The following KCNA2 variants were observed in gnomAD, a reference collection of about 807,000 sequenced individuals.
The protein encoded by KCNA2 is potassium channel, voltage gated shaker related subfamily A, member 2.
In KCNA2, 11 loss-of-function variants were observed where a neutral mutation model predicts 33.4. That is an observed-to-expected ratio of 0.33 (90% CI 0.21 to 0.55). The LOEUF (loss-of-function observed/expected upper bound fraction) is 0.55, where lower values mean the gene tolerates loss of function less well. Among genes scored for constraint, KCNA2 ranks in the 20% least tolerant of loss-of-function variants. KCNA2 has a pLI of 0.93. For synonymous variants in KCNA2, 222 were observed against 231.3 expected, an observed-to-expected ratio of 0.96 and a Z score of 0.37; for missense variants, 291 against 621.6, an observed-to-expected ratio of 0.47 and a Z score of 5.66.
chr1:110,623,908 C>A (rs1650323291), intron 1 of KCNA2, among the ~76,000 whole-genome samples: 1 of 146,512 alleles, frequency 6.8e-6, no homozygotes, highest in Admixed American at 6.7e-5. Context: ...GCATAATGAT[C>A]AGAACAGTGA....
In KCNA2 at chr1:110,593,809, G is replaced by C; in HGVS notation, c.*9474C>G. On this transcript the variant is annotated 3_prime_UTR_variant, in exon 3 of 3. Transcript: ENST00000316361. ...ACAAATATCAGACCCTACTGACACA[G>C]GAACTCTCAGCTGCAGAAGTCCTGG... 7.2e-6 allele frequency: 11 copies of C among 1,519,482 alleles called. No homozygotes were observed. Among genetic ancestry groups the C allele is most frequent in the Non-Finnish European group, 8.9e-6 (10 of 1,123,092 alleles). 94.1% of individuals were successfully genotyped at this position (1,519,482 alleles called of 1,614,324 possible).
chr1:110,607,189 T>C (rs1649683125), upstream of KCNA2: 3 of 152,150 alleles, frequency 2.0e-5, no homozygotes, highest in Non-Finnish European at 4.4e-5. Context: ...GCAGCCCCTC[T>C]GGGCGCCGCA....
chr1:110,601,066 C>T lies in KCNA2; in HGVS notation c.*2217G>A, dbSNP rs1217047405. 1 of 985,356 alleles carries T rather than the reference C, an allele frequency of 1.0e-6. No homozygotes were observed. The highest frequency in any genetic ancestry group is 1.2e-6 in the Non-Finnish European group (1 of 829,956). The allele number at this position is 985,356 out of a possible 1,614,324, so 61.0% of individuals were successfully genotyped here. ...TACCTGAAGCCATTTCAGGGTCAAC[C>T]TACTGTCTACCTTTAGGCTGTGCAG... On this transcript the variant is annotated 3_prime_UTR_variant, in exon 3 of 3. Transcript: ENST00000316361.
chr1:110,600,588 T>G lies in KCNA2; in HGVS notation c.*2695A>C. 1.0e-6 allele frequency: 1 copy of G among 985,424 alleles called. No individual in the cohort carries two copies. Among genetic ancestry groups the G allele is most frequent in the Non-Finnish European group, 1.2e-6 (1 of 829,924 alleles). The allele number at this position is 985,424 out of a possible 1,614,324, so 61.0% of individuals were successfully genotyped here. On this transcript the variant is annotated 3_prime_UTR_variant, in exon 3 of 3. Transcript: ENST00000316361. ...TTGTGTGTGACAACAGTGTACCTAT[T>G]TTGTGGTGAATGTGCATGACTGTAT...
intron 1 of KCNA2, among the ~76,000 whole-genome samples, chr1:110,625,651 T>C (rs1163252492): frequency 2.0e-5 from 3 of 152,090 alleles, no homozygotes. Context: ...GGTAAGACAA[T>C]TCAAAGAAAA....
At chr1:110,629,603 A>G (rs1650492996) in intron 1 of KCNA2, among the ~76,000 whole-genome samples, 1 of 152,156 alleles carries the variant, frequency 6.6e-6, no homozygotes, top group South Asian at 2.1e-4. Context: ...ATTTGTTGCT[A>G]TGTTTTTCTC....
chr1:110,610,254 A>G (rs894505045), upstream of KCNA2, among the ~76,000 whole-genome samples: 1 of 152,226 alleles, frequency 6.6e-6, no homozygotes, highest in Non-Finnish European at 1.5e-5. Flanking sequence ...ATGACTGTGT[A>G]TGCATACACA....
Position 110,605,378 on chromosome 1 carries a change from T to C in KCNA2, c.-164+13A>G, listed in dbSNP as rs1649551748. On this transcript the variant is annotated intron_variant, in intron 2 of 2. Transcript: ENST00000316361. ...TCTACACAAGGCTGTTATTAAATGATAGATTGATTTACCTGACCAGAGACG... is the reference window on the plus strand; with the variant it reads ...TCTACACAAGGCTGTTATTAAATGACAGATTGATTTACCTGACCAGAGACG... 6.5e-6 allele frequency: 1 copy of C among 152,916 alleles called. No homozygotes were observed. Among genetic ancestry groups the C allele is most frequent in the Admixed American group, 6.5e-5 (1 of 15,312 alleles). The allele number at this position is 152,916 out of a possible 1,614,324, so 9.5% of individuals were successfully genotyped here.
Position 110,600,702 on chromosome 1 carries a change from A to G in KCNA2, c.*2581T>C, listed in dbSNP as rs1429476711. 5.1e-6 allele frequency: 5 copies of G among 985,124 alleles called. No homozygotes were observed. In the East Asian group the frequency reaches 4.5e-4, roughly 89 times the overall value. 61.0% of individuals were successfully genotyped at this position (985,124 alleles called of 1,614,324 possible). On this transcript the variant is annotated 3_prime_UTR_variant, in exon 3 of 3. Transcript: ENST00000316361. ...TCAGATATGGGTTGCTTTACCTTCT[A>G]TTTTCCAAAGATCTGTGTCCCTCCC...
intron 1 of KCNA2, among the ~76,000 whole-genome samples, chr1:110,630,272 C>T (rs745338563): frequency 4.6e-5 from 7 of 152,124 alleles, no homozygotes; most frequent in African/African-American, 7.2e-5. Flanking sequence ...CCGCCCACCT[C>T]GGCCTCCCAA....
intron 1 of KCNA2, among the ~76,000 whole-genome samples, chr1:110,616,511 C>A (rs1269482744): frequency 6.6e-6 from 1 of 152,130 alleles, no homozygotes; most frequent in African/African-American, 2.4e-5. Flanking sequence ...AACATGGGAC[C>A]CCAGAGTTAG....
upstream of KCNA2, among the ~76,000 whole-genome samples, chr1:110,610,939 T>A (rs967970939): frequency 6.6e-6 from 1 of 152,128 alleles, no homozygotes; most frequent in Non-Finnish European, 1.5e-5. Context: ...TTGACCTTTC[T>A]GAGTAGCAGT....
At position 110,598,868 on chromosome 1, in the gene KCNA2, G is replaced by C; in HGVS notation, c.*4415C>G. 1 of 985,300 alleles carries C rather than the reference G, an allele frequency of 1.0e-6. No individual in the cohort carries two copies. The highest frequency in any genetic ancestry group is 1.2e-6 in the Non-Finnish European group (1 of 829,906). 61.0% of individuals were successfully genotyped at this position (985,300 alleles called of 1,614,324 possible). Reference sequence around the variant, plus strand: ...TCCTAAAAAGTTTACTCTGAAATTTGACCCACTCAGCCACTCTCTCTTCCT... The same window carrying C: ...TCCTAAAAAGTTTACTCTGAAATTTCACCCACTCAGCCACTCTCTCTTCCT... On this transcript the variant is annotated 3_prime_UTR_variant, in exon 3 of 3. Transcript: ENST00000316361.
chr1:110,596,040 GA>G lies in KCNA2; in HGVS notation c.*7242del. On this transcript the variant is annotated 3_prime_UTR_variant, in exon 3 of 3. Coordinates refer to ENST00000316361, the MANE Select transcript of KCNA2 (RefSeq NM_004974.4). The stretch of plus-strand genomic sequence containing the variant: ...GAAAGGCTAAAGCACCTGGCTGTTA[GA>G]TCAGACTTCCCTTTTATCCCTGAGT... 1.0e-6 allele frequency: 1 copy of G among 985,460 alleles called. No individual in the cohort carries two copies. The highest frequency in any genetic ancestry group is 1.2e-6 in the Non-Finnish European group (1 of 829,942). The allele number at this position is 985,460 out of a possible 1,614,324, so 61.0% of individuals were successfully genotyped here. A position where few individuals can be genotyped will look rare whatever the true frequency, so the allele number is the denominator to read the frequency against.
upstream of KCNA2, among the ~76,000 whole-genome samples, chr1:110,610,939 T>G (rs967970939): frequency 2.0e-5 from 3 of 152,128 alleles, no homozygotes; most frequent in Non-Finnish European, 4.4e-5. Flanking sequence ...TTGACCTTTC[T>G]GAGTAGCAGT....
At position 110,602,744 on chromosome 1, in the gene KCNA2, C is replaced by T; in HGVS notation, c.*539G>A. ...AGCCTCCAGAGCATCTACTTGGCAACTGCAATTCACAAACTCCAGCCTGTG... is the reference window on the plus strand; with the variant it reads ...AGCCTCCAGAGCATCTACTTGGCAATTGCAATTCACAAACTCCAGCCTGTG... On this transcript the variant is annotated 3_prime_UTR_variant, in exon 3 of 3. Coordinates refer to ENST00000316361, the MANE Select transcript of KCNA2 (RefSeq NM_004974.4). 1 of 991,892 alleles carries T rather than the reference C, an allele frequency of 1.0e-6. No homozygotes were observed. Among genetic ancestry groups the T allele is most frequent in the South Asian group, 4.6e-5 (1 of 21,624 alleles). 61.4% of individuals were successfully genotyped at this position (991,892 alleles called of 1,614,324 possible).
intron 1 of KCNA2, among the ~76,000 whole-genome samples, chr1:110,619,971 C>T (rs956459570): frequency 5.3e-5 from 8 of 152,046 alleles, no homozygotes; most frequent in Non-Finnish European, 1.2e-4. Context: ...TCCCTGTTCA[C>T]GTGCCCTGTA....
At position 110,601,777 on chromosome 1, in the gene KCNA2, AAT is replaced by A. The variant is rs149560146; in HGVS notation, c.*1504_*1505del. ...TCCTGAACCTGAACTCCAGAAAATGAATATATATATATATATATGTGTGTGTG... is the reference window on the plus strand; with the variant it reads ...TCCTGAACCTGAACTCCAGAAAATGAATATATATATATATATGTGTGTGTG... On this transcript the variant is annotated 3_prime_UTR_variant, in exon 3 of 3. Transcript: ENST00000316361. 4,968 of 979,066 alleles carry A rather than the reference AAT, an allele frequency of 5.1e-3. 3 individuals carry two copies. Among genetic ancestry groups the A allele is most frequent in the Middle Eastern group, 0.013 (32 of 2,426 alleles). 60.6% of individuals were successfully genotyped at this position (979,066 alleles called of 1,614,324 possible). A position where few individuals can be genotyped will look rare whatever the true frequency, so the allele number is the denominator to read the frequency against.
chr1:110,604,384 G>C lies in KCNA2; in HGVS notation c.399C>G (p.Ile133Met). The change falls in exon 3 of 3, where the codon ATC (isoleucine) becomes ATG (methionine). Residue 133 changes from isoleucine to methionine, a missense_variant. Physicochemically the swap from Ile to Met is conservative, Grantham distance 10 (BLOSUM62 1). Coordinates refer to ENST00000316361, the MANE Select transcript of KCNA2 (RefSeq NM_004974.4). This position sits in a 1 kb window ranked among gnomAD's most constrained non-coding sequence, Gnocchi z 7.6. ...MEMFREDEGY[I>M]KEEERPLPEN... The stretch of plus-strand genomic sequence containing the variant: ...CAGGCAGAGGACGCTCTTCCTCCTT[G>C]ATGTAGCCTTCATCTTCCCGAAACA... The C allele has an allele frequency of 6.2e-7, 1 of 1,614,098 alleles. No individual in the cohort carries two copies. The highest frequency in any genetic ancestry group is 8.5e-7 in the Non-Finnish European group (1 of 1,180,028).
Sources: allele counts gnomAD v4.1 joint callset (sites outside exome capture counted in the v4.1 genomes callset), GRCh38; gene constraint gnomAD v4.1.1; non-coding constraint Gnocchi (gnomAD v3.1); transcripts MANE v1.5; gene names NCBI Gene and HGNC (gene_info 2026-07-23, HGNC 2026-07-21).